The following CTNND2 variants were observed in gnomAD, a reference collection of about 807,000 sequenced individuals.
CTNND2 encodes the protein catenin delta-2.
In CTNND2, 22 loss-of-function variants were observed where a neutral mutation model predicts 144.4. The observed-to-expected ratio is 0.15, with a 90% CI of 0.11 to 0.22. The LOEUF (loss-of-function observed/expected upper bound fraction) is 0.22. Among genes scored for constraint, CTNND2 ranks in the 10% least tolerant of loss-of-function variants. The pLI, the probability that CTNND2 is intolerant of heterozygous loss-of-function variation, is 1.00. For missense variants in CTNND2, 1,353 were observed against 1,618.8 expected (o/e 0.84, Z 2.82); for synonymous variants, 751 against 695.6 (o/e 1.08, Z -1.25).
At chr5:11,553,900 A>G (rs1489145820) in intron 3 of CTNND2, among the ~76,000 whole-genome samples, 1 of 152,112 alleles carries the variant, frequency 6.6e-6, no homozygotes, top group Non-Finnish European at 1.5e-5. Context: ...AGCTTTTTGA[A>G]GTAAGATGAC....
At chr5:11,557,637 G>A (rs1377676743) in intron 3 of CTNND2, among the ~76,000 whole-genome samples, 3 of 152,048 alleles carry the variant, frequency 2.0e-5, no homozygotes, top group African/African-American at 7.2e-5. Context: ...TGTGTGATTA[G>A]GTCACACCCA....
chr5:11,073,999 G>A (rs1395548952), intron 16 of CTNND2, among the ~76,000 whole-genome samples: 2 of 152,210 alleles, frequency 1.3e-5, no homozygotes, highest in Non-Finnish European at 2.9e-5. Flanking sequence ...AATTTCCTCA[G>A]ATCAACGTAA....
chr5:11,635,769 G>GC (rs1043894673), intron 2 of CTNND2, among the ~76,000 whole-genome samples: 7 of 151,612 alleles, frequency 4.6e-5, no homozygotes, highest in Non-Finnish European at 7.4e-5. Flanking sequence ...TTGTTTTCAG[G>GC]CCCCCTTTCA....
intron 1 of CTNND2, among the ~76,000 whole-genome samples, chr5:11,862,053 T>C (rs1039563531): frequency 6.6e-6 from 1 of 152,216 alleles, no homozygotes; most frequent in Non-Finnish European, 1.5e-5. Context: ...TCTATAGCAC[T>C]TGTTGCCTCA....
intron 2 of CTNND2, among the ~76,000 whole-genome samples, chr5:11,601,395 GA>G (rs1224462703): frequency 4.0e-5 from 6 of 151,342 alleles, no homozygotes; most frequent in Non-Finnish European, 7.4e-5. Flanking sequence ...ATTTTTTTGT[GA>G]AAAAAATGAA....
At chr5:11,771,315 G>T (rs1421021802) in intron 1 of CTNND2, among the ~76,000 whole-genome samples, 1 of 151,672 alleles carries the variant, frequency 6.6e-6, no homozygotes, top group East Asian at 1.9e-4. Flanking sequence ...GCAGAGGCGG[G>T]GTTTCACCAT....
intron 14 of CTNND2, among the ~76,000 whole-genome samples, chr5:11,106,236 T>C (rs535235150): frequency 1.3e-5 from 2 of 152,272 alleles, no homozygotes; most frequent in East Asian, 3.9e-4. Context: ...ATTAAGGGGG[T>C]AGGTGAGATT....
intron 10 of CTNND2, among the ~76,000 whole-genome samples, chr5:11,214,448 T>C (rs1048491362): frequency 5.3e-5 from 8 of 152,214 alleles, no homozygotes; most frequent in Non-Finnish European, 1.2e-4. Flanking sequence ...AGGAAGGCAA[T>C]GATTATACTC....
chr5:11,849,878 A>C (rs1794934369), intron 1 of CTNND2, among the ~76,000 whole-genome samples: 2 of 152,278 alleles, frequency 1.3e-5, no homozygotes, highest in South Asian at 4.1e-4. Context: ...CTGAGTAGGA[A>C]AATCACGAGC....
At chr5:11,513,989 G>C (rs1488013449) in intron 3 of CTNND2, among the ~76,000 whole-genome samples, 1 of 152,026 alleles carries the variant, frequency 6.6e-6, no homozygotes, top group Non-Finnish European at 1.5e-5. Context: ...GGCCAGCCTG[G>C]GCAACATAGG....
chr5:11,530,670 T>C (rs1773671389), intron 3 of CTNND2, among the ~76,000 whole-genome samples: 1 of 152,194 alleles, frequency 6.6e-6, no homozygotes, highest in South Asian at 2.1e-4. Flanking sequence ...GAATCTGACA[T>C]CCCAGTCACA....
chr5:11,234,557 G>A (rs1183187305), intron 10 of CTNND2, among the ~76,000 whole-genome samples: 1 of 152,196 alleles, frequency 6.6e-6, no homozygotes, highest in African/African-American at 2.4e-5. Context: ...TGGAAGGCCT[G>A]TGTTCACCAC....
At chr5:11,555,947 C>T (rs895960436) in intron 3 of CTNND2, among the ~76,000 whole-genome samples, 27 of 152,234 alleles carry the variant, frequency 1.8e-4, no homozygotes, top group African/African-American at 6.5e-4. Flanking sequence ...GTGAAGCAGA[C>T]ACTCTCAAAG....
At chr5:11,851,321 T>G (rs1173889788) in intron 1 of CTNND2, among the ~76,000 whole-genome samples, 1 of 152,156 alleles carries the variant, frequency 6.6e-6, no homozygotes, top group Non-Finnish European at 1.5e-5. Context: ...TAGAATGAAT[T>G]TCTCTTATTA....
chr5:11,678,636 C>G (rs1784285763), intron 2 of CTNND2, among the ~76,000 whole-genome samples: 3 of 152,144 alleles, frequency 2.0e-5, no homozygotes, highest in Non-Finnish European at 2.9e-5. Flanking sequence ...GGTGCTATGT[C>G]CATCTCACAC....
intron 1 of CTNND2, among the ~76,000 whole-genome samples, chr5:11,897,220 T>C (rs1482970720): frequency 6.6e-6 from 1 of 152,226 alleles, no homozygotes; most frequent in Non-Finnish European, 1.5e-5. Context: ...GGAAATTACA[T>C]TATTGTATAC....
intron 7 of CTNND2, among the ~76,000 whole-genome samples, chr5:11,367,354 G>A (rs924038103): frequency 2.0e-5 from 3 of 152,144 alleles, no homozygotes; most frequent in Admixed American, 1.3e-4. Flanking sequence ...GTGTTCAACC[G>A]CCCGTGTTCA....
chr5:11,672,300 C>T (rs1016089312), intron 2 of CTNND2, among the ~76,000 whole-genome samples: 1 of 152,212 alleles, frequency 6.6e-6, no homozygotes, highest in Non-Finnish European at 1.5e-5. Context: ...CTTATCAGAG[C>T]TCAAATGCTG....
At chr5:11,634,752 A>G (rs1178738956) in intron 2 of CTNND2, among the ~76,000 whole-genome samples, 1 of 152,212 alleles carries the variant, frequency 6.6e-6, no homozygotes, top group Non-Finnish European at 1.5e-5. Context: ...TGAGTCAATG[A>G]TGGAAAGCAG....
Sources: allele counts gnomAD v4.1 joint callset (sites outside exome capture counted in the v4.1 genomes callset), GRCh38; gene constraint gnomAD v4.1.1; transcripts MANE v1.5; gene names NCBI Gene and HGNC (gene_info 2026-07-23, HGNC 2026-07-21).